SCAPER: variants seen among roughly 807,000 people sequenced by gnomAD.
SCAPER encodes S-phase cyclin A associated protein in the ER, also known as S phase cyclin A-associated protein in the endoplasmic reticulum.
In SCAPER, 98 loss-of-function variants were observed where a neutral mutation model predicts 182.2. The observed-to-expected ratio is 0.54, with a 90% CI of 0.46 to 0.64. The LOEUF is 0.64. Ranked by LOEUF, SCAPER falls within the 30% of genes least tolerant of loss-of-function variation. SCAPER has a pLI of 0.00. For synonymous variants in SCAPER, 605 were observed against 564.6 expected, an observed-to-expected ratio of 1.07 and a Z score of -1.01; for missense variants, 1,432 against 1,690.0, an observed-to-expected ratio of 0.85 and a Z score of 2.68.
intron 24 of SCAPER, among the ~76,000 whole-genome samples, chr15:76,500,214 G>T (rs1004744483): frequency 7.9e-5 from 12 of 152,278 alleles, no homozygotes; most frequent in African/African-American, 2.6e-4. Flanking sequence ...GCTTTGCTTT[G>T]TGTTGATGAA....
chr15:76,586,120 TATGAA>T (rs987536678), intron 22 of SCAPER, among the ~76,000 whole-genome samples: 11 of 152,310 alleles, frequency 7.2e-5, no homozygotes, highest in African/African-American at 2.6e-4. Context: ...CATTGGTAAA[TATGAA>T]ATGTAAAAGT....
chr15:76,569,183 T>C (rs1597431710), intron 23 of SCAPER, among the ~76,000 whole-genome samples: 1 of 152,238 alleles, frequency 6.6e-6, no homozygotes, highest in East Asian at 1.9e-4. Flanking sequence ...TTTGCTATAA[T>C]TTTTTTGGTA....
chr15:76,385,686 A>C (rs969503907), intron 27 of SCAPER, among the ~76,000 whole-genome samples: 1 of 152,192 alleles, frequency 6.6e-6, no homozygotes, highest in Admixed American at 6.5e-5. Flanking sequence ...AACATCATTC[A>C]TCAGGGTTTA....
intron 24 of SCAPER, among the ~76,000 whole-genome samples, chr15:76,476,331 C>A (rs556415806): frequency 2.6e-5 from 4 of 152,180 alleles, no homozygotes; most frequent in Non-Finnish European, 5.9e-5. Flanking sequence ...AGGAGCAGCA[C>A]CCCTGTGAAT....
chr15:76,554,365 C>T (rs949415040), intron 23 of SCAPER, among the ~76,000 whole-genome samples: 3 of 152,146 alleles, frequency 2.0e-5, no homozygotes, highest in African/African-American at 7.2e-5. Context: ...CACTGACATC[C>T]TTGAAAGAGA....
chr15:76,736,187 T>C (rs1242405951), intron 15 of SCAPER, among the ~76,000 whole-genome samples: 3 of 152,214 alleles, frequency 2.0e-5, no homozygotes, highest in Admixed American at 2.0e-4. Context: ...TATGTCTAAA[T>C]AAACAATGTA....
At chr15:76,900,425 G>C (rs185299892) in intron 1 of SCAPER, among the ~76,000 whole-genome samples, 1 of 150,910 alleles carries the variant, frequency 6.6e-6, no homozygotes, top group East Asian at 1.9e-4. Context: ...AATATTGACA[G>C]TGGTACTCAA....
chr15:76,391,354 T>C (rs1371807161), intron 27 of SCAPER, among the ~76,000 whole-genome samples: 2 of 152,192 alleles, frequency 1.3e-5, no homozygotes, highest in East Asian at 3.8e-4. Context: ...TATTTGTATA[T>C]TGGTTGATTG....
intron 23 of SCAPER, among the ~76,000 whole-genome samples, chr15:76,529,611 T>C (rs1040982033): frequency 2.6e-5 from 4 of 152,152 alleles, no homozygotes; most frequent in Non-Finnish European, 4.4e-5. Context: ...AGTTGACATT[T>C]GAGTAAAGAC....
intron 21 of SCAPER, among the ~76,000 whole-genome samples, chr15:76,625,822 A>T (rs2052521827): frequency 6.6e-6 from 1 of 151,948 alleles, no homozygotes; most frequent in South Asian, 2.1e-4. Context: ...CACACTGGGG[A>T]GCCTCTCCAG....
rs2049202069 is a variant in SCAPER, at chr15:76,592,566, C to A, written c.2712-18282G>T. 1.6e-5 allele frequency among the ~76,000 whole-genome samples: 2 copies of A among 122,424 alleles called. 1 individual carries two copies. Among genetic ancestry groups the A allele is most frequent in the South Asian group, 5.1e-4 (2 of 3,926 alleles). 80.3% of individuals were successfully genotyped at this position (122,424 alleles called of 152,430 possible). On this transcript the variant is annotated intron_variant, in intron 22 of 31. Coordinates refer to ENST00000563290, the MANE Select transcript of SCAPER (RefSeq NM_020843.4). ...AAAGGAACAGCTCCATTCTGCAGCTCCCAGCGAGATCAACGCAGAAGGCAG... is the reference window on the plus strand; with the variant it reads ...AAAGGAACAGCTCCATTCTGCAGCTACCAGCGAGATCAACGCAGAAGGCAG...
At chr15:76,438,453 T>G (rs943900962) in intron 25 of SCAPER, among the ~76,000 whole-genome samples, 1 of 152,136 alleles carries the variant, frequency 6.6e-6, no homozygotes, top group African/African-American at 2.4e-5. Context: ...AGATATACAG[T>G]TTTACACTAT....
intron 8 of SCAPER, among the ~76,000 whole-genome samples, chr15:76,790,424 T>C (rs2064924695): frequency 6.6e-6 from 1 of 152,198 alleles, no homozygotes; most frequent in South Asian, 2.1e-4. Flanking sequence ...CATCTTGACC[T>C]GGAATGTTCT....
At chr15:76,492,429 T>C (rs2052410362) in intron 24 of SCAPER, among the ~76,000 whole-genome samples, 1 of 152,170 alleles carries the variant, frequency 6.6e-6, no homozygotes, top group Non-Finnish European at 1.5e-5. Context: ...AGCCTGAAAA[T>C]TTTTCCAATG....
chr15:76,771,669 T>C, intron 10 of SCAPER, 73 bp downstream of exon 10: 1 of 1,016,370 alleles, frequency 9.8e-7, no homozygotes, highest in Non-Finnish European at 1.5e-6. Flanking sequence ...CAAGTTATTA[T>C]TATTGGGGTT....
intron 30 of SCAPER, among the ~76,000 whole-genome samples, chr15:76,352,723 T>TACA (rs1309563368): frequency 6.6e-6 from 1 of 151,970 alleles, no homozygotes; most frequent in East Asian, 1.9e-4. Flanking sequence ...GTGCTGGGAT[T>TACA]ACAGATGTGA....
chr15:76,805,922 G>C (rs2066127905), intron 5 of SCAPER, among the ~76,000 whole-genome samples: 1 of 151,996 alleles, frequency 6.6e-6, no homozygotes, highest in South Asian at 2.1e-4. Flanking sequence ...CTTTTTTACT[G>C]AGTTATTTGT....
At chr15:76,609,443 T>C (rs1037160804) in intron 22 of SCAPER, among the ~76,000 whole-genome samples, 1 of 152,048 alleles carries the variant, frequency 6.6e-6, no homozygotes, top group Non-Finnish European at 1.5e-5. Context: ...GCTATGATCA[T>C]GCCACTGCAC....
chr15:76,625,502 C>T (rs183866006), intron 21 of SCAPER, among the ~76,000 whole-genome samples: 1 of 152,236 alleles, frequency 6.6e-6, no homozygotes, highest in East Asian at 1.9e-4. Context: ...TCCCTGGAGG[C>T]AGTAGCCAAC....
Sources: allele counts gnomAD v4.1 joint callset (sites outside exome capture counted in the v4.1 genomes callset), GRCh38; gene constraint gnomAD v4.1.1; transcripts MANE v1.5; gene names NCBI Gene and HGNC (gene_info 2026-07-23, HGNC 2026-07-21).